Variants in MCU observed in about 807,000 individuals in gnomAD.
The protein encoded by MCU is mitochondrial calcium uniporter.
In MCU, 12 loss-of-function variants were observed where a neutral mutation model predicts 45.2. The observed-to-expected ratio is 0.27, with a 90% CI of 0.17 to 0.43. The LOEUF (loss-of-function observed/expected upper bound fraction) is 0.43, where lower values mean the gene tolerates loss of function less well. Among genes scored for constraint, MCU ranks in the 20% least tolerant of loss-of-function variants. The probability of loss-of-function intolerance (pLI) is 1.00; values close to 1 mark genes in which losing one functional copy is unlikely to be tolerated. For synonymous variants in MCU, 160 were observed against 165.1 expected, an observed-to-expected ratio of 0.97 and a Z score of 0.24; for missense variants, 324 against 436.7, an observed-to-expected ratio of 0.74 and a Z score of 2.30.
chr10:72,806,126 A>G (rs1844443942), intron 1 of MCU, among the ~76,000 whole-genome samples: 1 of 151,532 alleles, frequency 6.6e-6, no homozygotes, highest in Non-Finnish European at 1.5e-5. Flanking sequence ...AGTCAAAGAC[A>G]TAGGTAGGGA....
intron 6 of MCU, among the ~76,000 whole-genome samples, chr10:72,875,907 T>A (rs1845609828): frequency 6.6e-6 from 1 of 152,218 alleles, no homozygotes; most frequent in Non-Finnish European, 1.5e-5. Context: ...ATGAAGGGGA[T>A]GATGTTGCCT....
intron 1 of MCU, among the ~76,000 whole-genome samples, chr10:72,699,592 C>CTT (rs372198670): frequency 8.9e-5 from 12 of 135,270 alleles, no homozygotes; most frequent in East Asian, 4.2e-4. Context: ...GGTGAAATGG[C>CTT]TTTTTTTTTT....
chr10:72,713,881 G>A (rs1357551369), intron 1 of MCU, among the ~76,000 whole-genome samples: 1 of 151,510 alleles, frequency 6.6e-6, no homozygotes, highest in Middle Eastern at 3.2e-3. Flanking sequence ...GTTTGTTAGG[G>A]TTCTATCAGT....
intron 6 of MCU, among the ~76,000 whole-genome samples, chr10:72,873,381 T>C (rs533595392): frequency 6.6e-6 from 1 of 152,302 alleles, no homozygotes; most frequent in African/African-American, 2.4e-5. Flanking sequence ...CTCATATACC[T>C]ATTAGTCATT....
chr10:72,873,461 T>C (rs892013013), intron 6 of MCU, among the ~76,000 whole-genome samples: 2 of 152,232 alleles, frequency 1.3e-5, no homozygotes, highest in Non-Finnish European at 2.9e-5. Flanking sequence ...GTTTATTTTT[T>C]TGCTATTGAG....
rs9888052 is a variant in MCU, at chr10:72,776,951, G to A, written c.151-57408G>A. On this transcript the variant is annotated intron_variant, in intron 1 of 7. Coordinates refer to ENST00000373053, the MANE Select transcript of MCU (RefSeq NM_138357.3). ...ACAATCTGAAAAAGAAATCAAGAAA[G>A]CAATCCCACTTATAATAGCTATGAA... is the stretch of plus-strand genomic sequence containing the variant. 1.5e-3 allele frequency among the ~76,000 whole-genome samples: 221 copies of A among 152,130 alleles called. 2 individuals carry two copies. The highest frequency in any genetic ancestry group is 4.9e-3 in the African/African-American group (202 of 41,476).
chr10:72,802,470 A>G (rs768478001), intron 1 of MCU, among the ~76,000 whole-genome samples: 3 of 152,096 alleles, frequency 2.0e-5, no homozygotes, highest in Non-Finnish European at 4.4e-5. Context: ...GAGCTTCTGA[A>G]TGATGTCTTA....
chr10:72,862,538 C>T (rs1300655537), intron 4 of MCU, among the ~76,000 whole-genome samples: 1 of 152,138 alleles, frequency 6.6e-6, no homozygotes, highest in African/African-American at 2.4e-5. Context: ...ATAAGAAGCG[C>T]ACAACCTAGA....
In MCU at chr10:72,710,245, A is replaced by G. The variant is rs533264410; in HGVS notation, c.150+17944A>G. Among the ~76,000 whole-genome samples, 499 of 152,152 alleles carry G rather than the reference A, an allele frequency of 3.3e-3. 2 individuals carry two copies. The highest frequency in any genetic ancestry group is 0.012 in the African/African-American group (479 of 41,506). On this transcript the variant is annotated intron_variant, in intron 1 of 7. Transcript: ENST00000373053. ...CCCCCCTCAGCCTCCCAAAGTGCTG[A>G]GATTACAGGTGTGAGCTATAGCGCC...
intron 1 of MCU, among the ~76,000 whole-genome samples, chr10:72,702,852 G>A (rs985722515): frequency 2.4e-4 from 36 of 152,080 alleles, no homozygotes; most frequent in African/African-American, 6.3e-4. Flanking sequence ...GGTGGTGTGC[G>A]CCTGTAATCC....
chr10:72,778,853 GA>G (rs200546357), intron 1 of MCU, among the ~76,000 whole-genome samples: 5 of 148,568 alleles, frequency 3.4e-5, no homozygotes, highest in Non-Finnish European at 7.5e-5. Context: ...CTGGAAAACC[GA>G]AAAAAAAAAT....
rs1467472140 is a variant in MCU, at chr10:72,732,023, T to C, written c.150+39722T>C. On this transcript the variant is annotated intron_variant, in intron 1 of 7. Transcript: ENST00000373053. ...TTAACTTGTTGAGGAACTGCTGAAC[T>C]ATTAACATTTCTCAAAGTGGCTCTA... 2.6e-5 allele frequency among the ~76,000 whole-genome samples: 4 copies of C among 152,346 alleles called. No individual in the cohort carries two copies. In the East Asian group the frequency reaches 7.7e-4, roughly 29 times the overall value.
At chr10:72,878,875 A>G (rs1845658357) in intron 6 of MCU, among the ~76,000 whole-genome samples, 1 of 152,234 alleles carries the variant, frequency 6.6e-6, no homozygotes. Context: ...AAGAAACAAT[A>G]TTTAAATAAA....
At chr10:72,703,494 A>G (rs1413039513) in intron 1 of MCU, among the ~76,000 whole-genome samples, 1 of 152,190 alleles carries the variant, frequency 6.6e-6, no homozygotes, top group Non-Finnish European at 1.5e-5. Context: ...CTTCTGAAGA[A>G]ATTGAAATTT....
chr10:72,743,412 CAAAAA>C (rs374429962), intron 1 of MCU, among the ~76,000 whole-genome samples: 2 of 74,424 alleles, frequency 2.7e-5, no homozygotes, highest in African/African-American at 5.7e-5. Flanking sequence ...TACTCCATCT[CAAAAA>C]AAAAAAAAAA....
intron 1 of MCU, among the ~76,000 whole-genome samples, chr10:72,774,219 A>T (rs1309447061): frequency 6.6e-6 from 1 of 152,202 alleles, no homozygotes; most frequent in Non-Finnish European, 1.5e-5. Flanking sequence ...GAGATAGGTA[A>T]TGTAGGTAAT....
intron 1 of MCU, chr10:72,692,605 G>A (rs1169873603): frequency 1.3e-5 from 14 of 1,097,204 alleles, no homozygotes; most frequent in Non-Finnish European, 1.6e-5. Context: ...GCCCCCAATC[G>A]CGTTCCCTCC....
At chr10:72,784,720 C>T (rs1035649471) in intron 1 of MCU, among the ~76,000 whole-genome samples, 8 of 152,062 alleles carry the variant, frequency 5.3e-5, no homozygotes, top group African/African-American at 1.7e-4. Context: ...CGTATGTGTG[C>T]GTGGGTGTGT....
intron 1 of MCU, among the ~76,000 whole-genome samples, chr10:72,759,663 A>G (rs561371151): frequency 2.8e-4 from 43 of 152,300 alleles, no homozygotes; most frequent in African/African-American, 9.6e-4. Flanking sequence ...CCCCAAATTG[A>G]TACTACAAAT....
Sources: allele counts gnomAD v4.1 joint callset (sites outside exome capture counted in the v4.1 genomes callset), GRCh38; gene constraint gnomAD v4.1.1; transcripts MANE v1.5; gene names NCBI Gene and HGNC (gene_info 2026-07-23, HGNC 2026-07-21).